RNF217: variants seen among roughly 807,000 people sequenced by gnomAD.
The protein encoded by RNF217 is ring finger protein 217.
A neutral mutation model predicts 57.8 loss-of-function variants in RNF217; 31 were observed. That is an observed-to-expected ratio of 0.54 (90% CI 0.40 to 0.72). The LOEUF (loss-of-function observed/expected upper bound fraction) is 0.72, where lower values mean the gene tolerates loss of function less well. Ranked by LOEUF, RNF217 falls within the 30% of genes least tolerant of loss-of-function variation. The pLI is 0.00. For synonymous variants in RNF217, 313 were observed against 294.0 expected (o/e 1.06, Z -0.66); for missense variants, 696 against 708.3 (o/e 0.98, Z 0.20).
chr6:125,088,069 G>T lies in RNF217; in HGVS notation c.*5132G>T, dbSNP rs1788825123. The T allele has an allele frequency of 7.2e-6, 1 of 138,400 alleles. No individual in the cohort carries two copies. The highest frequency in any genetic ancestry group is 1.5e-5 in the Non-Finnish European group (1 of 65,918). 8.6% of individuals were successfully genotyped at this position (138,400 alleles called of 1,614,324 possible). A position where few individuals can be genotyped will look rare whatever the true frequency, so the allele number is the denominator to read the frequency against. Reference sequence around the variant, plus strand: ...AGGTTCTCTCAATGTTGCCCAGGCTGGTCTCAAACTCTTGGGCTCAAGCGA... The same window carrying T: ...AGGTTCTCTCAATGTTGCCCAGGCTTGTCTCAAACTCTTGGGCTCAAGCGA... On this transcript the variant is annotated 3_prime_UTR_variant, in exon 6 of 6. Coordinates refer to ENST00000521654, the MANE Select transcript of RNF217 (RefSeq NM_001286398.3).
chr6:125,025,307 G>A (rs1174862649), intron 1 of RNF217, among the ~76,000 whole-genome samples: 1 of 152,122 alleles, frequency 6.6e-6, no homozygotes. Flanking sequence ...CTTTCATTTG[G>A]CTTGGCTGCA....
chr6:125,080,928 C>A (rs985899014), intron 4 of RNF217, among the ~76,000 whole-genome samples: 2 of 151,938 alleles, frequency 1.3e-5, no homozygotes, highest in African/African-American at 4.8e-5. Context: ...GTCTGTTAGG[C>A]GTTCATATTA....
chr6:125,027,041 TG>T (rs1786125423), intron 1 of RNF217, among the ~76,000 whole-genome samples: 1 of 152,062 alleles, frequency 6.6e-6, no homozygotes, highest in African/African-American at 2.4e-5. Flanking sequence ...ACATAGTAGG[TG>T]TATATATTTA....
chr6:125,032,103 A>G (rs928952041), intron 1 of RNF217, among the ~76,000 whole-genome samples: 2 of 152,128 alleles, frequency 1.3e-5, no homozygotes, highest in Non-Finnish European at 1.5e-5. Flanking sequence ...CCGGCCCCCC[A>G]TGATTCAGTT....
At chr6:124,984,273 A>G (rs1333494279) in intron 1 of RNF217, among the ~76,000 whole-genome samples, 1 of 152,174 alleles carries the variant, frequency 6.6e-6, no homozygotes, top group African/African-American at 2.4e-5. Context: ...GTGGCCAGGC[A>G]TAGTGGCTCA....
chr6:124,979,928 C>G (rs114345326), intron 1 of RNF217, among the ~76,000 whole-genome samples: 1 of 152,162 alleles, frequency 6.6e-6, no homozygotes, highest in Non-Finnish European at 1.5e-5. Context: ...TGTCCTGTCA[C>G]TTACTGGATC....
chr6:124,988,485 T>C (rs1277607023), intron 1 of RNF217, among the ~76,000 whole-genome samples: 1 of 152,236 alleles, frequency 6.6e-6, no homozygotes, highest in East Asian at 1.9e-4. Context: ...TAAGTGACAC[T>C]GTTGGTTCAA....
chr6:124,986,311 T>G (rs1784362517), intron 1 of RNF217, among the ~76,000 whole-genome samples: 1 of 152,188 alleles, frequency 6.6e-6, no homozygotes, highest in Admixed American at 6.5e-5. Flanking sequence ...TTGACCCTTT[T>G]CCTCCCACAT....
rs1788838320 is a variant in RNF217, at chr6:125,088,495, T to C, written c.*5558T>C. On this transcript the variant is annotated 3_prime_UTR_variant, in exon 6 of 6. Coordinates refer to ENST00000521654, the MANE Select transcript of RNF217 (RefSeq NM_001286398.3). ...AAACAGAGTCACAGTAGTGAGACTA[T>C]TCTCATTGCTTCTTTGGAGCATTAG... 6.6e-6 allele frequency: 1 copy of C among 152,180 alleles called. No individual in the cohort carries two copies. Among genetic ancestry groups the C allele is most frequent in the African/African-American group, 2.4e-5 (1 of 41,446 alleles). 9.4% of individuals were successfully genotyped at this position (152,180 alleles called of 1,614,324 possible). A position where few individuals can be genotyped will look rare whatever the true frequency, so the allele number is the denominator to read the frequency against.
rs377199544 is a variant in RNF217, at chr6:125,082,949, T to C, written c.*12T>C. On this transcript the variant is annotated 3_prime_UTR_variant, in exon 6 of 6. Transcript: ENST00000521654. Reference sequence around the variant, plus strand: ...GTATGCACTGGTAACATGCAGATGATTTCATCCAGCTAAGCTGGTTGGAGT... The same window carrying C: ...GTATGCACTGGTAACATGCAGATGACTTCATCCAGCTAAGCTGGTTGGAGT... 3.5e-5 allele frequency: 56 copies of C among 1,583,096 alleles called. No homozygotes were observed. The African/African-American group carries it at 6.4e-4, about 18-fold the overall frequency.
In RNF217 at chr6:125,089,203, T is replaced by C. The variant is rs1233341674; in HGVS notation, c.*6266T>C. 2.6e-5 allele frequency: 4 copies of C among 152,150 alleles called. No homozygotes were observed. The highest frequency in any genetic ancestry group is 9.7e-5 in the African/African-American group (4 of 41,446). 9.4% of individuals were successfully genotyped at this position (152,150 alleles called of 1,614,324 possible). A position where few individuals can be genotyped will look rare whatever the true frequency, so the allele number is the denominator to read the frequency against. ...TAAGTCAAGCAAATGAAGATACCAG[T>C]TGGATCAGAGGGCCTAATAATAGTC... On this transcript the variant is annotated 3_prime_UTR_variant, in exon 6 of 6. Transcript: ENST00000521654.
intron 1 of RNF217, among the ~76,000 whole-genome samples, chr6:124,999,063 A>G (rs1289165508): frequency 6.6e-6 from 1 of 152,224 alleles, no homozygotes; most frequent in Non-Finnish European, 1.5e-5. Context: ...AGTATTTGAC[A>G]TAAAACACAA....
rs1297213875 is a variant in RNF217, at chr6:125,091,643, TCTCA to T, written c.*8707_*8710del. The T allele has an allele frequency of 6.7e-6, 1 of 149,448 alleles. No individual in the cohort carries two copies. The highest frequency in any genetic ancestry group is 1.5e-5 in the Non-Finnish European group (1 of 67,262). 9.3% of individuals were successfully genotyped at this position (149,448 alleles called of 1,614,324 possible). On this transcript the variant is annotated 3_prime_UTR_variant, in exon 6 of 6. Coordinates refer to ENST00000521654, the MANE Select transcript of RNF217 (RefSeq NM_001286398.3). ...AGTTTAGAACAGGAGTTGAAATGAC[TCTCA>T]GTTTTATCTATAGCTCCAATTAGGA...
chr6:125,074,030 C>T (rs1582778461), intron 3 of RNF217, among the ~76,000 whole-genome samples: 1 of 152,090 alleles, frequency 6.6e-6, no homozygotes, highest in African/African-American at 2.4e-5. Flanking sequence ...TTCTTTCCAA[C>T]CTCTCTGTAA....
At chr6:124,980,290 A>G (rs1047798705) in intron 1 of RNF217, among the ~76,000 whole-genome samples, 9 of 152,120 alleles carry the variant, frequency 5.9e-5, no homozygotes, top group African/African-American at 1.4e-4. Context: ...ATAGTTTGCA[A>G]TTTGCTTTTT....
chr6:125,012,216 G>A (rs1785440235), intron 1 of RNF217, among the ~76,000 whole-genome samples: 2 of 152,096 alleles, frequency 1.3e-5, no homozygotes, highest in South Asian at 4.1e-4. Context: ...TTAAAATATA[G>A]CATATACAAT....
intron 3 of RNF217, among the ~76,000 whole-genome samples, chr6:125,069,788 G>A (rs918100431): frequency 1.3e-5 from 2 of 152,060 alleles, no homozygotes; most frequent in African/African-American, 4.8e-5. Context: ...TTTCTTTGCA[G>A]CCTCACCAGC....
At chr6:125,022,858 T>C (rs773360316) in intron 1 of RNF217, among the ~76,000 whole-genome samples, 1 of 152,090 alleles carries the variant, frequency 6.6e-6, no homozygotes, top group Non-Finnish European at 1.5e-5. Context: ...CTGCTTGACC[T>C]TGAGTTTTCT....
intron 1 of RNF217, among the ~76,000 whole-genome samples, chr6:124,984,272 C>G (rs1327587751): frequency 6.6e-6 from 1 of 152,094 alleles, no homozygotes; most frequent in Non-Finnish European, 1.5e-5. Flanking sequence ...AGTGGCCAGG[C>G]ATAGTGGCTC....
Sources: allele counts gnomAD v4.1 joint callset (sites outside exome capture counted in the v4.1 genomes callset), GRCh38; gene constraint gnomAD v4.1.1; transcripts MANE v1.5; gene names NCBI Gene and HGNC (gene_info 2026-07-23, HGNC 2026-07-21).